SORCS2: variants seen among roughly 807,000 people sequenced by gnomAD.
The protein encoded by SORCS2 is sortilin related VPS10 domain containing receptor 2, also known as VPS10 domain-containing receptor SorCS2.
Under a neutral mutation model 141.6 loss-of-function variants are expected in SORCS2, and 100 were observed. That is an observed-to-expected ratio of 0.71 (90% CI 0.60 to 0.83). The LOEUF (loss-of-function observed/expected upper bound fraction) is 0.83. Ranked by LOEUF, SORCS2 falls within the 40% of genes least tolerant of loss-of-function variation. The pLI, the probability that SORCS2 is intolerant of heterozygous loss-of-function variation, is 0.00. For synonymous variants in SORCS2, 789 were observed against 676.9 expected (o/e 1.17, Z -2.57); for missense variants, 1,646 against 1,560.2 (o/e 1.05, Z -0.93).
At chr4:7,373,478 A>ATATATT (rs1470691140) in intron 1 of SORCS2, among the ~76,000 whole-genome samples, 2 of 36,818 alleles carry the variant, frequency 5.4e-5, no homozygotes, top group Non-Finnish European at 8.3e-5. Context: ...ATATATATAT[A>ATATATT]TTTTTTTTTT....
chr4:7,404,562 T>C (rs1336036035), intron 2 of SORCS2, among the ~76,000 whole-genome samples: 1 of 152,212 alleles, frequency 6.6e-6, no homozygotes, highest in Non-Finnish European at 1.5e-5. Context: ...TGTAAGATGA[T>C]ATCTTATTGT....
chr4:7,445,291 C>A (rs1226181396), intron 2 of SORCS2, among the ~76,000 whole-genome samples: 1 of 151,912 alleles, frequency 6.6e-6, no homozygotes, highest in African/African-American at 2.4e-5. Flanking sequence ...CAGGCTCTGG[C>A]TGGTGTTTGA....
chr4:7,639,558 T>G (rs537321269), intron 4 of SORCS2, among the ~76,000 whole-genome samples: 60 of 149,558 alleles, frequency 4.0e-4, no homozygotes, highest in African/African-American at 1.3e-3. Flanking sequence ...TGTGTGTGAC[T>G]GTGGGTGCAT....
chr4:7,544,086 A>G (rs1470644805), intron 3 of SORCS2, among the ~76,000 whole-genome samples: 1 of 148,920 alleles, frequency 6.7e-6, no homozygotes, highest in African/African-American at 2.5e-5. Context: ...CCATCCATCC[A>G]TCCACCCATG....
chr4:7,695,072 G>A lies in SORCS2; in HGVS notation c.1592-2126G>A, dbSNP rs140772711. 1.2e-4 allele frequency among the ~76,000 whole-genome samples: 18 copies of A among 151,922 alleles called. 1 individual carries two copies. Among genetic ancestry groups the A allele is most frequent in the Admixed American group, 2.6e-4 (4 of 15,258 alleles). The stretch of plus-strand genomic sequence containing the variant: ...AGCTCATTCAGCTCAGCTCACCAGA[G>A]CTCAGCACAGGGCTGTGCAGAGAGT... On this transcript the variant is annotated intron_variant, in intron 11 of 26. Coordinates refer to ENST00000507866, the MANE Select transcript of SORCS2 (RefSeq NM_020777.3).
At chr4:7,297,386 T>C (rs1056879976) in intron 1 of SORCS2, among the ~76,000 whole-genome samples, 2 of 151,964 alleles carry the variant, frequency 1.3e-5, no homozygotes, top group Admixed American at 6.5e-5. Flanking sequence ...ATACCACTTT[T>C]GTGCTTTTTC....
At chr4:7,316,728 G>A (rs1350644561) in intron 1 of SORCS2, among the ~76,000 whole-genome samples, 1 of 152,180 alleles carries the variant, frequency 6.6e-6, no homozygotes, top group African/African-American at 2.4e-5. Context: ...AATGGGGACT[G>A]GAAGGCTGAG....
At chr4:7,658,482 A>G (rs1157976446) in intron 5 of SORCS2, among the ~76,000 whole-genome samples, 1 of 152,138 alleles carries the variant, frequency 6.6e-6, no homozygotes, top group East Asian at 1.9e-4. Context: ...GGAGAGAGCA[A>G]TGTCAGGCCT....
chr4:7,647,430 C>T (rs1354120253), intron 4 of SORCS2, among the ~76,000 whole-genome samples: 2 of 152,148 alleles, frequency 1.3e-5, no homozygotes, highest in East Asian at 1.9e-4. Flanking sequence ...CCTTTCTCAC[C>T]GCTCACTGTC....
chr4:7,681,508 C>T lies in SORCS2; in HGVS notation c.1342-1235C>T, dbSNP rs574219568. On this transcript the variant is annotated intron_variant, in intron 9 of 26. Coordinates refer to ENST00000507866, the MANE Select transcript of SORCS2 (RefSeq NM_020777.3). ...GGAAAAGGCAAGGAAAGGGAAGCTC[C>T]TCTGGAGCCTCCAGAAAGGAATGCG... Among the ~76,000 whole-genome samples, 5 of 152,340 alleles carry T rather than the reference C, an allele frequency of 3.3e-5. No individual in the cohort carries two copies. The South Asian group carries it at 8.3e-4, about 25-fold the overall frequency.
intron 2 of SORCS2, among the ~76,000 whole-genome samples, chr4:7,423,922 C>G (rs972374689): frequency 6.6e-6 from 1 of 152,212 alleles, no homozygotes; most frequent in African/African-American, 2.4e-5. Flanking sequence ...GTGACATCAT[C>G]ACACGCGGTG....
chr4:7,347,376 G>A (rs963322552), intron 1 of SORCS2, among the ~76,000 whole-genome samples: 6 of 152,200 alleles, frequency 3.9e-5, no homozygotes, highest in African/African-American at 7.2e-5. Flanking sequence ...GCCTCGTGCC[G>A]GATGTCAAGG....
chr4:7,610,992 G>A (rs147910825), intron 3 of SORCS2, among the ~76,000 whole-genome samples: 8 of 152,242 alleles, frequency 5.3e-5, no homozygotes, highest in African/African-American at 9.6e-5. Context: ...TCCCGCACGC[G>A]TGCAGACACA....
intron 1 of SORCS2, among the ~76,000 whole-genome samples, chr4:7,375,666 C>A (rs1722592580): frequency 6.6e-6 from 1 of 152,208 alleles, no homozygotes; most frequent in African/African-American, 2.4e-5. Flanking sequence ...GTAATAGCAG[C>A]TGAAAGCAGT....
chr4:7,267,196 A>G (rs1457453405), intron 1 of SORCS2, among the ~76,000 whole-genome samples: 1 of 152,224 alleles, frequency 6.6e-6, no homozygotes, highest in Admixed American at 6.5e-5. Flanking sequence ...AGAGATGAGT[A>G]GGCATCTTCC....
At chr4:7,331,419 G>A (rs1432976680) in intron 1 of SORCS2, among the ~76,000 whole-genome samples, 1 of 152,138 alleles carries the variant, frequency 6.6e-6, no homozygotes, top group African/African-American at 2.4e-5. Flanking sequence ...ACCCCACACT[G>A]TGTGTTTTCA....
At chr4:7,602,442 C>T (rs189566959) in intron 3 of SORCS2, among the ~76,000 whole-genome samples, 19 of 145,210 alleles carry the variant, frequency 1.3e-4, no homozygotes, top group African/African-American at 4.7e-4. Context: ...CAGACAGGGT[C>T]GCGGCCAGGC....
intron 1 of SORCS2, chr4:7,381,894 C>T (rs1577474251): frequency 1.0e-6 from 1 of 986,284 alleles, no homozygotes; most frequent in South Asian, 4.7e-5. Flanking sequence ...AGCCTTCAAC[C>T]AGCAGAGCAG....
chr4:7,410,282 G>A (rs947544226), intron 2 of SORCS2, among the ~76,000 whole-genome samples: 2 of 152,224 alleles, frequency 1.3e-5, no homozygotes, highest in African/African-American at 2.4e-5. Flanking sequence ...GAAAATTTAA[G>A]AGGTGATATG....
Sources: gnomAD v4.1 joint callset for allele counts (sites outside exome capture counted in the v4.1 genomes callset) on GRCh38, gnomAD v4.1.1 for gene constraint, MANE v1.5 for transcripts, NCBI Gene and HGNC (gene_info 2026-07-23, HGNC 2026-07-21) for gene names.